PRKCE: variants seen among roughly 807,000 people sequenced by gnomAD.
The protein encoded by PRKCE is protein kinase C epsilon.
PRKCE carries 16 observed loss-of-function variants against 85.4 expected under a neutral mutation model. The observed-to-expected ratio is 0.19, with a 90% CI of 0.13 to 0.28. PRKCE has a LOEUF of 0.28. Among genes scored for constraint, PRKCE ranks in the 10% least tolerant of loss-of-function variants. The pLI is 1.00. For synonymous variants in PRKCE, 388 were observed against 371.5 expected (o/e 1.04, Z -0.51); for missense variants, 573 against 975.2 (o/e 0.59, Z 5.49).
At chr2:46,133,447 G>T (rs1254099069) in intron 11 of PRKCE, among the ~76,000 whole-genome samples, 1 of 152,158 alleles carries the variant, frequency 6.6e-6, no homozygotes, top group Non-Finnish European at 1.5e-5. Context: ...AACAGGGATT[G>T]TGTCTTTCTT....
chr2:45,681,019 G>T (rs556913490), intron 1 of PRKCE, among the ~76,000 whole-genome samples: 10 of 152,078 alleles, frequency 6.6e-5, no homozygotes, highest in African/African-American at 2.4e-4. Flanking sequence ...GGCTGAGTGC[G>T]GTGGCGCACG....
chr2:46,003,535 A>C (rs751903186), intron 7 of PRKCE, among the ~76,000 whole-genome samples: 12 of 152,266 alleles, frequency 7.9e-5, no homozygotes, highest in African/African-American at 2.9e-4. Flanking sequence ...AAAGTGCCGG[A>C]CAGAGTCTTA....
chr2:45,922,712 G>T (rs1484300714), intron 2 of PRKCE, among the ~76,000 whole-genome samples: 2 of 152,190 alleles, frequency 1.3e-5, no homozygotes, highest in Non-Finnish European at 2.9e-5. Context: ...AGACGTGTGA[G>T]CTGATCCTCT....
intron 1 of PRKCE, among the ~76,000 whole-genome samples, chr2:45,690,156 G>T (rs571694096): frequency 2.6e-5 from 4 of 152,278 alleles, no homozygotes; most frequent in African/African-American, 9.6e-5. Context: ...CTTCAGTGTA[G>T]TAATCCATAG....
At chr2:45,965,143 C>T (rs942827761) in intron 2 of PRKCE, among the ~76,000 whole-genome samples, 7 of 152,208 alleles carry the variant, frequency 4.6e-5, no homozygotes, top group African/African-American at 1.7e-4. Flanking sequence ...CAGATAGCAT[C>T]GAATAATCTC....
At chr2:45,792,785 G>A (rs1041247948) in intron 1 of PRKCE, among the ~76,000 whole-genome samples, 3 of 152,152 alleles carry the variant, frequency 2.0e-5, no homozygotes, top group African/African-American at 7.2e-5. Context: ...CTGATAAATG[G>A]TAGGTGGTAT....
At chr2:45,900,549 A>G (rs75858536) in intron 2 of PRKCE, among the ~76,000 whole-genome samples, 4,477 of 152,282 alleles carry the variant, frequency 0.029, 218 homozygotes, top group African/African-American at 0.1. Context: ...CACTTACATG[A>G]GGTCCTAGAA....
chr2:46,175,140 A>G (rs1679302353), intron 14 of PRKCE, among the ~76,000 whole-genome samples: 1 of 152,224 alleles, frequency 6.6e-6, no homozygotes, highest in South Asian at 2.1e-4. Flanking sequence ...AAAGTTTACT[A>G]TGAATGTAAT....
At chr2:45,923,822 A>C (rs901768992) in intron 2 of PRKCE, among the ~76,000 whole-genome samples, 1 of 151,940 alleles carries the variant, frequency 6.6e-6, no homozygotes, top group African/African-American at 2.4e-5. Flanking sequence ...GAGGGAGGAA[A>C]CTCGAGCCAG....
At chr2:45,995,130 T>G (rs1204053859) in intron 6 of PRKCE, among the ~76,000 whole-genome samples, 7 of 152,192 alleles carry the variant, frequency 4.6e-5, no homozygotes, top group Non-Finnish European at 1.0e-4. Flanking sequence ...ATTGGGTTAT[T>G]CATTTTGTTA....
chr2:45,885,001 A>ATATATATATATT lies in PRKCE; in HGVS notation c.412+41939_412+41940insATATATATATTT, dbSNP rs1342824133. ...TATATATATATATATATATATATAT[A>ATATATATATATT]TTTGTTGTTGTTGTTGTTGTTTTAC... On this transcript the variant is annotated intron_variant, in intron 2 of 14. Transcript: ENST00000306156. Among the ~76,000 whole-genome samples the ATATATATATATT allele has an allele frequency of 1.7e-4, 12 of 71,538 alleles. 1 individual carries two copies. Among genetic ancestry groups the ATATATATATATT allele is most frequent in the African/African-American group, 6.9e-4 (12 of 17,310 alleles). The allele number at this position is 71,538 out of a possible 152,430, so 46.9% of individuals were successfully genotyped here.
intron 2 of PRKCE, among the ~76,000 whole-genome samples, chr2:45,894,458 C>CATTTAGTT (rs943970285): frequency 6.0e-5 from 9 of 150,708 alleles, no homozygotes; most frequent in Non-Finnish European, 1.0e-4. Context: ...GGAGTAGCGT[C>CATTTAGTT]ATTTAGTTAA....
intron 2 of PRKCE, among the ~76,000 whole-genome samples, chr2:45,946,881 G>A (rs558806138): frequency 7.9e-5 from 12 of 152,360 alleles, no homozygotes; most frequent in African/African-American, 2.6e-4. Flanking sequence ...CTGTGCATAT[G>A]TAAAGTCTCC....
At chr2:45,868,784 A>AAAACT (rs1230470679) in intron 2 of PRKCE, among the ~76,000 whole-genome samples, 1 of 150,306 alleles carries the variant, frequency 6.7e-6, no homozygotes, top group East Asian at 2.0e-4. Context: ...TAAAAATACA[A>AAAACT]AAAATAAAAT....
At chr2:46,071,194 G>C (rs1432956200) in intron 10 of PRKCE, among the ~76,000 whole-genome samples, 1 of 152,060 alleles carries the variant, frequency 6.6e-6, no homozygotes, top group Non-Finnish European at 1.5e-5. Flanking sequence ...AAATACCATC[G>C]AATAATGTTA....
At chr2:46,020,296 T>G (rs1375183856) in intron 10 of PRKCE, among the ~76,000 whole-genome samples, 1 of 152,202 alleles carries the variant, frequency 6.6e-6, no homozygotes, top group Non-Finnish European at 1.5e-5. Context: ...TGCAGCTCCA[T>G]GTCCGACTGT....
chr2:46,029,116 C>A (rs1707333878), intron 10 of PRKCE, among the ~76,000 whole-genome samples: 1 of 152,116 alleles, frequency 6.6e-6, no homozygotes, highest in African/African-American at 2.4e-5. Context: ...AGCTAATGTT[C>A]TTATGGCACT....
intron 1 of PRKCE, among the ~76,000 whole-genome samples, chr2:45,775,844 C>T (rs1255305116): frequency 6.6e-6 from 1 of 152,234 alleles, no homozygotes; most frequent in Non-Finnish European, 1.5e-5. Flanking sequence ...CCCACCCCTG[C>T]TTCTCCGGCC....
intron 2 of PRKCE, among the ~76,000 whole-genome samples, chr2:45,864,029 G>A (rs1693384757): frequency 6.6e-6 from 1 of 152,168 alleles, no homozygotes; most frequent in African/African-American, 2.4e-5. Context: ...AATGGCAATA[G>A]TAAAACTGCC....
Sources: allele counts gnomAD v4.1 joint callset (sites outside exome capture counted in the v4.1 genomes callset), GRCh38; gene constraint gnomAD v4.1.1; transcripts MANE v1.5; gene names NCBI Gene and HGNC (gene_info 2026-07-23, HGNC 2026-07-21).